Variants in CPT1B observed in about 807,000 individuals in gnomAD.
CPT1B encodes carnitine palmitoyltransferase 1B, also known as carnitine O-palmitoyltransferase 1, muscle isoform.
Under a neutral mutation model 92.7 loss-of-function variants are expected in CPT1B, and 57 were observed. That is an observed-to-expected ratio of 0.62 (90% CI 0.50 to 0.77). CPT1B has a LOEUF of 0.77. Ranked by LOEUF, CPT1B falls within the 30% of genes least tolerant of loss-of-function variation. The pLI is 0.00. For synonymous variants in CPT1B, 398 were observed against 383.5 expected, an observed-to-expected ratio of 1.04 and a Z score of -0.44; for missense variants, 983 against 1,017.4, an observed-to-expected ratio of 0.97 and a Z score of 0.46.
intron 9 of CPT1B, chr22:50,574,006 G>A (rs980521944): frequency 5.7e-6 from 4 of 697,812 alleles, no homozygotes; most frequent in African/African-American, 5.3e-5. Flanking sequence ...AGCAGGGAAG[G>A]CTGCTGCCTC....
At position 50,576,260 on chromosome 22, in the gene CPT1B, C is replaced by T; in HGVS notation, c.637G>A (p.Asp213Asn). The T allele has an allele frequency of 6.2e-7, 1 of 1,614,088 alleles. No individual in the cohort carries two copies. Among genetic ancestry groups the T allele is most frequent in the Non-Finnish European group, 8.5e-7 (1 of 1,180,030 alleles). Reference sequence around the variant, plus strand: ...TTCTGCAGCCTGGGGGCAGTCTTGTCCTGGAATTCTTTGGCCAGCAACTCC... The same window carrying T: ...TTCTGCAGCCTGGGGGCAGTCTTGTTCTGGAATTCTTTGGCCAGCAACTCC... Reference protein sequence around the residue: ...RMELLAKEFQDKTAPRLQKYL... With the variant: ...RMELLAKEFQNKTAPRLQKYL... The change falls in exon 6 of 20, where the codon GAC becomes AAC. Residue 213 changes from aspartate to asparagine, a missense_variant. By Grantham distance (23) the Asp-to-Asn change is conservative. Transcript: ENST00000312108.
intron 17 of CPT1B, among the ~76,000 whole-genome samples, 174 bp downstream of exon 17, chr22:50,570,119 C>T (rs1226120745): frequency 6.6e-6 from 1 of 152,216 alleles, no homozygotes; most frequent in Non-Finnish European, 1.5e-5. Flanking sequence ...GGGTGGGTCC[C>T]AGGTGCTTGG....
chr22:50,571,568 G>T, intron 13 of CPT1B, 29 bp from the exon 14 acceptor site: 1 of 1,604,836 alleles, frequency 6.2e-7, no homozygotes. Flanking sequence ...GGTCAGCTGA[G>T]GGTAGGGCTC....
At position 50,576,620 on chromosome 22, in the gene CPT1B, T is replaced by C; in HGVS notation, c.477A>G (p.Leu159=). 3 of 1,610,562 alleles carry C rather than the reference T, an allele frequency of 1.9e-6. No homozygotes were observed. Among genetic ancestry groups the C allele is most frequent in the East Asian group, 2.2e-5 (1 of 44,824 alleles). The change falls in exon 5 of 20, where the codon CTA becomes CTG. Residue 159 remains leucine (L), a synonymous_variant. Coordinates refer to ENST00000312108, the MANE Select transcript of CPT1B (RefSeq NM_152246.3). ...TGTAGAGCATAGGGTGCCGGCTGGA[T>C]AGAAGGCGGATACACATCTGGGGGT... ...TRIWAMCIRL[L]SSRHPMLYSF...
At position 50,576,538 on chromosome 22, in the gene CPT1B, G is replaced by T; in HGVS notation, c.559C>A (p.Arg187=). 1 of 1,600,708 alleles carries T rather than the reference G, an allele frequency of 6.2e-7. No individual in the cohort carries two copies. The highest frequency in any genetic ancestry group is 1.1e-5 in the South Asian group (1 of 89,572). The change falls in exon 5 of 20, where the codon CGG becomes AGG. Residue 187 remains arginine (R), a splice_region_variant and synonymous_variant. Transcript: ENST00000312108. ...GGATGCCCAAGCGAGGCCCTCACCC[G>T]CTGAATTGTGGCTGACACCCTGGGC... The part of the protein sequence containing the change: ...PVPRVSATIQ[R]YLESVRPLLD...
Position 50,572,058 on chromosome 22 carries a change from G to T in CPT1B, c.1523C>A (p.Pro508Gln), listed in dbSNP as rs779490273. ...TGTAGGAGGTGCGAGCGCAGGGTTCGGTTTGCCCAGGCAGTGCCCGGTCTC... is the reference window on the plus strand; with the variant it reads ...TGTAGGAGGTGCGAGCGCAGGGTTCTGTTTGCCCAGGCAGTGCCCGGTCTC... ...YTETGHCLGK[P>Q]NPALAPPTRL... The change falls in exon 13 of 20, where the codon CCG becomes CAG. Residue 508 changes from proline (P) to glutamine (Q), a missense_variant. Coordinates refer to ENST00000312108, the MANE Select transcript of CPT1B (RefSeq NM_152246.3). 3.7e-6 allele frequency: 6 copies of T among 1,613,968 alleles called. No individual in the cohort carries two copies. The African/African-American group carries it at 4.0e-5, about 11-fold the overall frequency.
chr22:50,575,967 C>T, intron 7 of CPT1B, 68 bp downstream of exon 7: 1 of 1,493,146 alleles, frequency 6.7e-7, no homozygotes, highest in South Asian at 1.1e-5. Context: ...GGCTGTCCTC[C>T]AGATCCCTTG....
At chr22:50,575,552 C>G (rs975575041) in intron 7 of CPT1B, among the ~76,000 whole-genome samples, 10 of 152,190 alleles carry the variant, frequency 6.6e-5, no homozygotes, top group Admixed American at 2.0e-4. Flanking sequence ...GACCCAGAGA[C>G]TCAGAAGGGC....
At chr22:50,578,545 C>G (rs1487811984), upstream of CPT1B, 1 of 157,606 alleles carries the variant, frequency 6.3e-6, no homozygotes, top group Non-Finnish European at 1.4e-5. Context: ...CAGAACCCAC[C>G]CACCTTCCGC....
At position 50,570,924 on chromosome 22, in the gene CPT1B, C is replaced by T; in HGVS notation, c.1995G>A (p.Lys665=). 3 of 1,613,804 alleles carry T rather than the reference C, an allele frequency of 1.9e-6. No individual in the cohort carries two copies. The highest frequency in any genetic ancestry group is 2.5e-6 in the Non-Finnish European group (3 of 1,180,012). The stretch of plus-strand genomic sequence containing the variant: ...GGAAAGGAGAGCTGACTCCTAGGTA[C>T]TTGGAGACCAAGTAAAGGCAGAAGA... ...RHLFCLYLVS[K]YLGVSSPFLA... Residue 665 remains lysine (K), a synonymous_variant, in exon 16 of 20, where the codon AAG becomes AAA. Coordinates refer to ENST00000312108, the MANE Select transcript of CPT1B (RefSeq NM_152246.3).
rs1003142203 is a variant in CPT1B, at chr22:50,568,887, C to T, written c.*197G>A. ...GAAGGTTCTGAGGCAAGTATTTATT[C>T]CAAGCAAACACGTGGGCGTGGACAG... On this transcript the variant is annotated 3_prime_UTR_variant, in exon 20 of 20. Transcript: ENST00000312108. The T allele has an allele frequency of 3.8e-5, 6 of 157,630 alleles. No individual in the cohort carries two copies. The highest frequency in any genetic ancestry group is 1.4e-4 in the African/African-American group (6 of 41,494). The allele number at this position is 157,630 out of a possible 1,614,324, so 9.8% of individuals were successfully genotyped here. A position where few individuals can be genotyped will look rare whatever the true frequency, so the allele number is the denominator to read the frequency against.
intron 6 of CPT1B, 33 bp from the exon 7 acceptor site, chr22:50,576,145 G>A (rs1275498686): frequency 6.2e-7 from 1 of 1,614,080 alleles, no homozygotes; most frequent in Non-Finnish European, 8.5e-7. Context: ...AGCTGGGGCG[G>A]GTGCAGCCAG....
chr22:50,572,428 T>A (rs1258518641), intron 11 of CPT1B, 120 bp from the exon 12 acceptor site: 1 of 661,346 alleles, frequency 1.5e-6, no homozygotes, highest in African/African-American at 1.8e-5. Context: ...TTCTCTCACT[T>A]TTTTTTTAAA....
intron 3 of CPT1B, 74 bp downstream of exon 3, chr22:50,577,250 C>T (rs2070487904): frequency 6.3e-7 from 1 of 1,584,400 alleles, no homozygotes; most frequent in Non-Finnish European, 8.6e-7. Flanking sequence ...CTGCCCAGCT[C>T]AGGAACCTCA....
At chr22:50,572,743 CA>C in intron 11 of CPT1B, 131 bp downstream of exon 11, 2 of 1,028,710 alleles carry the variant, frequency 1.9e-6, no homozygotes, top group Non-Finnish European at 2.8e-6. Flanking sequence ...CCTTGGCCCC[CA>C]AAGTGCTAGG....
chr22:50,573,559 G>A lies in CPT1B; in HGVS notation c.1127C>T (p.Pro376Leu). 7 of 1,613,384 alleles carry A rather than the reference G, an allele frequency of 4.3e-6. No individual in the cohort carries two copies. Among genetic ancestry groups the A allele is most frequent in the Non-Finnish European group, 5.1e-6 (6 of 1,179,762 alleles). Reference protein sequence around the residue: ...RILDDPSPPQPGEEKLAALTA... With the variant: ...RILDDPSPPQLGEEKLAALTA... ...GAGGGCTGCCAGCTTCTCCTCCCCAGGCTGAGGTGGGGAGGGGTCGTCCAG... is the reference window on the plus strand; with the variant it reads ...GAGGGCTGCCAGCTTCTCCTCCCCAAGCTGAGGTGGGGAGGGGTCGTCCAG... The change falls in exon 10 of 20, where the codon CCT becomes CTT. Residue 376 changes from proline (P) to leucine (L), a missense_variant. Physicochemically the swap from Pro to Leu is moderately conservative, Grantham distance 98. Transcript: ENST00000312108. This position sits in a 1 kb window ranked among gnomAD's most constrained non-coding sequence, Gnocchi z 5.0.
intron 7 of CPT1B, 162 bp from the exon 8 acceptor site, chr22:50,574,762 T>C (rs532424404): frequency 6.0e-5 from 37 of 619,700 alleles, no homozygotes; most frequent in Non-Finnish European, 9.8e-5. Flanking sequence ...AATGCACAAC[T>C]GATCGCAGTA....
rs1376176244 is a variant in CPT1B, at chr22:50,573,801, T to C, written c.971-86A>G. 4 of 1,248,026 alleles carry C rather than the reference T, an allele frequency of 3.2e-6. No homozygotes were observed. Among genetic ancestry groups the C allele is most frequent in the Non-Finnish European group, 4.6e-6 (4 of 869,090 alleles). The allele number at this position is 1,248,026 out of a possible 1,614,324, so 77.3% of individuals were successfully genotyped here. On this transcript the variant is annotated intron_variant, in intron 9 of 19. Coordinates refer to ENST00000312108, the MANE Select transcript of CPT1B (RefSeq NM_152246.3). This position sits in a 1 kb window ranked among gnomAD's most constrained non-coding sequence, Gnocchi z 5.0. ...CACCTCCCATGCACTAGGTGACCCC[T>C]GCAGACCCTGTTTTGCTCGGCCTCT...
rs1011226791 is a variant in CPT1B, at chr22:50,577,674, G to C, written c.141+101C>G. ...TCTGTACTTCCACAACCTGTACCGG[G>C]CAGAAGTGCCAGCCAAGGAGGCAGT... On this transcript the variant is annotated intron_variant, in intron 2 of 19. Coordinates refer to ENST00000312108, the MANE Select transcript of CPT1B (RefSeq NM_152246.3). 6 of 1,521,578 alleles carry C rather than the reference G, an allele frequency of 3.9e-6. No individual in the cohort carries two copies. In the South Asian group the frequency reaches 7.3e-5, roughly 18 times the overall value. The allele number at this position is 1,521,578 out of a possible 1,614,324, so 94.3% of individuals were successfully genotyped here.
Sources: gnomAD v4.1 joint callset for allele counts (sites outside exome capture counted in the v4.1 genomes callset) on GRCh38, gnomAD v4.1.1 for gene constraint, Gnocchi (gnomAD v3.1) non-coding constraint, MANE v1.5 for transcripts, NCBI Gene and HGNC (gene_info 2026-07-23, HGNC 2026-07-21) for gene names.